FOXP2: variants seen among roughly 807,000 people sequenced by gnomAD.
FOXP2 encodes the protein forkhead box protein P2.
FOXP2 carries 12 observed loss-of-function variants against 115.8 expected under a neutral mutation model. The observed-to-expected ratio is 0.10, with a 90% CI of 0.07 to 0.17. The LOEUF (loss-of-function observed/expected upper bound fraction) is 0.17. Ranked by LOEUF, FOXP2 falls within the 10% of genes least tolerant of loss-of-function variation. The pLI, the probability that FOXP2 is intolerant of heterozygous loss-of-function variation, is 1.00. For missense variants in FOXP2, 629 were observed against 843.5 expected (o/e 0.75, Z 3.15); for synonymous variants, 328 against 297.7 (o/e 1.10, Z -1.05).
intron 2 of FOXP2, among the ~76,000 whole-genome samples, chr7:114,515,943 A>G (rs1307903057): frequency 6.6e-6 from 1 of 152,198 alleles, no homozygotes; most frequent in African/African-American, 2.4e-5. Context: ...TTCCATGCTC[A>G]TGGGTAGGAA....
At chr7:114,336,615 C>T (rs1797859103) in intron 2 of FOXP2, among the ~76,000 whole-genome samples, 1 of 151,390 alleles carries the variant, frequency 6.6e-6, no homozygotes, top group African/African-American at 2.4e-5. Flanking sequence ...CTATCACCTC[C>T]TTTGGGAAAG....
At chr7:114,295,220 C>T (rs1038629278) in intron 2 of FOXP2, among the ~76,000 whole-genome samples, 1 of 152,212 alleles carries the variant, frequency 6.6e-6, no homozygotes, top group South Asian at 2.1e-4. Context: ...GGGAAGTGCA[C>T]CATTACAATA....
chr7:114,378,861 A>G (rs1792210542), intron 2 of FOXP2, among the ~76,000 whole-genome samples: 1 of 148,902 alleles, frequency 6.7e-6, no homozygotes, highest in Non-Finnish European at 1.5e-5. Flanking sequence ...TCTTCTTTAG[A>G]TAAGCGTTTC....
intron 1 of FOXP2, among the ~76,000 whole-genome samples, chr7:114,184,320 A>G (rs999389205): frequency 6.6e-6 from 1 of 152,148 alleles, no homozygotes; most frequent in Non-Finnish European, 1.5e-5. Flanking sequence ...TTTACTCAAA[A>G]TGGCTGCCAC....
At chr7:114,496,557 C>G (rs1797330542) in intron 2 of FOXP2, among the ~76,000 whole-genome samples, 1 of 152,050 alleles carries the variant, frequency 6.6e-6, no homozygotes, top group Admixed American at 6.6e-5. Flanking sequence ...GTTTGGAAAA[C>G]TTTCAGAAAC....
At chr7:114,654,949 T>C (rs913498734) in intron 10 of FOXP2, among the ~76,000 whole-genome samples, 6 of 152,132 alleles carry the variant, frequency 3.9e-5, no homozygotes, top group Non-Finnish European at 8.8e-5. Flanking sequence ...CATTCAAAAT[T>C]TACTTTTTTG....
intron 2 of FOXP2, among the ~76,000 whole-genome samples, chr7:114,333,012 T>A (rs768947285): frequency 6.6e-6 from 1 of 152,146 alleles, no homozygotes; most frequent in Non-Finnish European, 1.5e-5. Flanking sequence ...GAAAAAAATG[T>A]TAGGATACTG....
chr7:114,237,748 C>T (rs1026653133), intron 1 of FOXP2, among the ~76,000 whole-genome samples: 11 of 151,836 alleles, frequency 7.2e-5, no homozygotes, highest in East Asian at 3.9e-4. Flanking sequence ...CTGAGGCAAG[C>T]GGATTACTTG....
chr7:114,458,532 T>C (rs1441875975), intron 2 of FOXP2, among the ~76,000 whole-genome samples: 1 of 149,648 alleles, frequency 6.7e-6, no homozygotes, highest in Non-Finnish European at 1.5e-5. Context: ...TGCTTAACTA[T>C]GATATTTTCT....
intron 2 of FOXP2, among the ~76,000 whole-genome samples, chr7:114,399,681 A>C (rs2129196215): frequency 6.6e-6 from 1 of 152,236 alleles, no homozygotes; most frequent in East Asian, 1.9e-4. Context: ...TTTATACTTC[A>C]GTGGAGGTGG....
intron 1 of FOXP2, among the ~76,000 whole-genome samples, chr7:114,246,319 A>G (rs959217401): frequency 6.6e-6 from 1 of 152,148 alleles, no homozygotes; most frequent in African/African-American, 2.4e-5. Flanking sequence ...ACCAAACAAA[A>G]TCATCAAACT....
At chr7:114,354,663 A>G (rs959168096) in intron 2 of FOXP2, among the ~76,000 whole-genome samples, 1 of 152,070 alleles carries the variant, frequency 6.6e-6, no homozygotes, top group African/African-American at 2.4e-5. Context: ...CTTCAAGTCC[A>G]AGTCTCTAGA....
intron 7 of FOXP2, among the ~76,000 whole-genome samples, chr7:114,644,372 A>G (rs1399991307): frequency 6.6e-6 from 1 of 152,210 alleles, no homozygotes; most frequent in Admixed American, 6.5e-5. Context: ...ACATATGAAT[A>G]TACATTTTTT....
intron 1 of FOXP2, among the ~76,000 whole-genome samples, chr7:114,233,622 T>C (rs940521574): frequency 6.6e-6 from 1 of 152,196 alleles, no homozygotes; most frequent in Non-Finnish European, 1.5e-5. Flanking sequence ...ATACAGTGCT[T>C]CTAAAATAAA....
rs1554380027 is a variant in FOXP2 at position 114,378,701 on chromosome 7, A to AAAAAAAAAATG, written c.-10-47801_-10-47800insAAAAAAAAATG. Among the ~76,000 whole-genome samples, 16 of 106,754 alleles carry AAAAAAAAAATG rather than the reference A, an allele frequency of 1.5e-4. 1 individual carries two copies. The highest frequency in any genetic ancestry group is 2.6e-4 in the Non-Finnish European group (14 of 53,054). The allele number at this position is 106,754 out of a possible 152,430, so 70.0% of individuals were successfully genotyped here. On this transcript the variant is annotated intron_variant, in intron 2 of 17. Transcript: ENST00000634411. ...CCTGTCTCCAAAAAAAAAAAAAAAA[A>AAAAAAAAAATG]GGAAAAGAAAAAGAAAGAAAGTGAA...
At chr7:114,236,844 G>A (rs1795019015) in intron 1 of FOXP2, among the ~76,000 whole-genome samples, 1 of 152,052 alleles carries the variant, frequency 6.6e-6, no homozygotes, top group Admixed American at 6.6e-5. Flanking sequence ...GGGCGTGGTG[G>A]TGGACACCTG....
At chr7:114,630,655 T>C (rs552354260) in intron 5 of FOXP2, 1 of 154,318 alleles carries the variant, frequency 6.5e-6, no homozygotes, top group Non-Finnish European at 1.4e-5. Context: ...TATGCAAACG[T>C]ACAGGAAACA....
At chr7:114,505,353 T>C (rs1388563749) in intron 2 of FOXP2, among the ~76,000 whole-genome samples, 2 of 151,574 alleles carry the variant, frequency 1.3e-5, no homozygotes, top group Admixed American at 1.3e-4. Context: ...AGCTTAAGTG[T>C]TCAAGTTGCT....
chr7:114,318,002 C>T (rs1298649352), intron 2 of FOXP2, among the ~76,000 whole-genome samples: 1 of 152,108 alleles, frequency 6.6e-6, no homozygotes, highest in Non-Finnish European at 1.5e-5. Flanking sequence ...GTCACTTTCA[C>T]CATAAGGGCA....
Sources: allele counts gnomAD v4.1 joint callset (sites outside exome capture counted in the v4.1 genomes callset), GRCh38; gene constraint gnomAD v4.1.1; transcripts MANE v1.5; gene names NCBI Gene and HGNC (gene_info 2026-07-23, HGNC 2026-07-21).